Variants in EBNA1BP2 observed in about 807,000 individuals in gnomAD.
EBNA1BP2 encodes the protein EBNA1 binding protein 2, also known as probable rRNA-processing protein EBP2.
A neutral mutation model predicts 43.5 loss-of-function variants in EBNA1BP2; 36 were observed. That is an observed-to-expected ratio of 0.83 (90% confidence interval 0.63 to 1.09). The LOEUF is 1.09. EBNA1BP2 is among the 50% of genes least tolerant of loss of function. EBNA1BP2 has a pLI of 0.00. For synonymous variants in EBNA1BP2, 127 were observed against 141.3 expected, an observed-to-expected ratio of 0.90 and a Z score of 0.72; for missense variants, 332 against 379.1, an observed-to-expected ratio of 0.88 and a Z score of 1.03.
Position 43,171,575 on chromosome 1 carries a change from G to T in EBNA1BP2, c.227C>A (p.Pro76Gln), listed in dbSNP as rs11559316. 6.2e-7 allele frequency: 1 copy of T among 1,614,088 alleles called. No homozygotes were observed. The highest frequency in any genetic ancestry group is 8.5e-7 in the Non-Finnish European group (1 of 1,180,022). The stretch of plus-strand genomic sequence containing the variant: ...CTCAGATCCACCGATCTCCGGTACC[G>T]GACCCAGTGTCACATCGAGCCTTTC... ...WVERLDVTLG[P>Q]VPEIGGSEAP... is the part of the protein sequence containing the mutation. The change falls in exon 3 of 9, where the codon CCG becomes CAG. Residue 76 changes from proline (P) to glutamine (Q), a missense_variant. By Grantham distance (76) the Pro-to-Gln change is moderately conservative. This residue lies in a region of EBNA1BP2 where 182 missense variants were observed against 173.7 expected (regional missense o/e 1.05). Transcript: ENST00000236051.
In EBNA1BP2 at chr1:43,164,821, C is replaced by G. The variant is rs1356969672; in HGVS notation, c.708-16G>C. On this transcript the variant is annotated splice_polypyrimidine_tract_variant and intron_variant, in intron 7 of 8. Coordinates refer to ENST00000236051, the MANE Select transcript of EBNA1BP2 (RefSeq NM_006824.3). ...AGCACTGGGCCTGGAAAAGAATGGT[C>G]CTAGACATCACTACAGCACTGTAAA... The G allele has an allele frequency of 6.2e-7, 1 of 1,613,654 alleles. No individual in the cohort carries two copies. Among genetic ancestry groups the G allele is most frequent in the South Asian group, 1.1e-5 (1 of 91,002 alleles).
chr1:43,164,618 C>T (rs1644906173), intron 8 of EBNA1BP2, 25 bp downstream of exon 8: 1 of 1,613,816 alleles, frequency 6.2e-7, no homozygotes, highest in Admixed American at 1.7e-5. Flanking sequence ...GCCTGCTCCT[C>T]ACCCGGGCAC....
At chr1:43,172,494 G>A, upstream of EBNA1BP2, 2 of 1,511,258 alleles carry the variant, frequency 1.3e-6, no homozygotes, top group Non-Finnish European at 1.8e-6. Flanking sequence ...GGAGCTGGTA[G>A]CAGTGAGGGT....
chr1:43,172,396 C>G (rs1003136685), upstream of EBNA1BP2: 3 of 1,551,308 alleles, frequency 1.9e-6, no homozygotes, highest in African/African-American at 4.1e-5. Flanking sequence ...GCTTAGGATC[C>G]CTACAGGTAG....
rs781631283 is a variant in EBNA1BP2 at position 43,172,286 on chromosome 1, T to G, written c.-168A>C. 4.5e-6 allele frequency: 7 copies of G among 1,552,246 alleles called. No homozygotes were observed. Among genetic ancestry groups the G allele is most frequent in the Admixed American group, 2.0e-5 (1 of 51,018 alleles). ...TCCAGCGCCAGCAACTCACAGCTAC[T>G]GCTCAACTTTTGATTGGGACTTCCG... On this transcript the variant is annotated 5_prime_UTR_variant, in exon 1 of 9. Coordinates refer to ENST00000236051, the MANE Select transcript of EBNA1BP2 (RefSeq NM_006824.3).
At chr1:43,164,593 G>A (rs767130724) in intron 8 of EBNA1BP2, 50 bp downstream of exon 8, 1 of 1,613,818 alleles carries the variant, frequency 6.2e-7, no homozygotes, top group Non-Finnish European at 8.5e-7. Context: ...GGTTGGGAGT[G>A]GGAGGGGAGG....
At chr1:43,169,082 CT>C in intron 4 of EBNA1BP2, 54 bp from the exon 5 acceptor site, 1 of 1,571,826 alleles carries the variant, frequency 6.4e-7, no homozygotes, top group South Asian at 1.1e-5. Context: ...ATGACCACTA[CT>C]TAGGATTCGC....
chr1:43,167,058 T>C, intron 6 of EBNA1BP2, 102 bp downstream of exon 6: 16 of 1,494,244 alleles, frequency 1.1e-5, no homozygotes, highest in Non-Finnish European at 1.5e-5. Context: ...AAAACTTTGA[T>C]CCGACAGGTC....
intron 4 of EBNA1BP2, among the ~76,000 whole-genome samples, chr1:43,169,591 G>A (rs1308317843): frequency 6.6e-6 from 1 of 152,132 alleles, no homozygotes; most frequent in East Asian, 1.9e-4. Context: ...TATCCATAGA[G>A]GATTAGTTCT....
chr1:43,165,530 T>C (rs1644912609), intron 7 of EBNA1BP2, among the ~76,000 whole-genome samples: 1 of 152,220 alleles, frequency 6.6e-6, no homozygotes, highest in African/African-American at 2.4e-5. Flanking sequence ...ATCTCGACTT[T>C]TGCAATAGTA....
intron 8 of EBNA1BP2, 29 bp from the exon 9 acceptor site, chr1:43,164,522 C>A (rs1644905466): frequency 6.2e-7 from 1 of 1,614,012 alleles, no homozygotes. Context: ...CACATCTGGT[C>A]ACATAGCAGC....
chr1:43,167,326 A>G (rs1691302), intron 5 of EBNA1BP2, 91 bp from the exon 6 acceptor site: 274,908 of 1,211,822 alleles, frequency 0.23, 34,584 homozygotes, highest in Middle Eastern at 0.28. Context: ...GATTAATACC[A>G]CTACCCTCTG....
At chr1:43,167,275 C>T in intron 5 of EBNA1BP2, 40 bp from the exon 6 acceptor site, 2 of 1,575,274 alleles carry the variant, frequency 1.3e-6, no homozygotes, top group Admixed American at 1.7e-5. Context: ...CCATTCCATA[C>T]CATTACTCCA....
Position 43,172,147 on chromosome 1 carries a change from G to A in EBNA1BP2, c.-29C>T, listed in dbSNP as rs1429679823. The A allele has an allele frequency of 1.2e-6, 2 of 1,613,912 alleles. No homozygotes were observed. Among genetic ancestry groups the A allele is most frequent in the South Asian group, 1.1e-5 (1 of 91,080 alleles). ...GCCGCACGCACGTCCCACACCTACAGGAAGAAACGGGGTATCCCGAGACCC... is the reference window on the plus strand; with the variant it reads ...GCCGCACGCACGTCCCACACCTACAAGAAGAAACGGGGTATCCCGAGACCC... On this transcript the variant is annotated 5_prime_UTR_variant, in exon 1 of 9. Transcript: ENST00000236051.
chr1:43,171,126 C>T (rs373229611), intron 3 of EBNA1BP2: 68 of 489,168 alleles, frequency 1.4e-4, no homozygotes, highest in African/African-American at 1.3e-3. Flanking sequence ...CTAAAGGTAC[C>T]CATTAACACA....
Position 43,172,121 on chromosome 1 carries a change from C to A in EBNA1BP2, c.-3G>T. On this transcript the variant is annotated 5_prime_UTR_variant, in exon 1 of 9. Transcript: ENST00000236051. ...TCCGAGAGCGGGGGAGTGTCCATCT[C>A]GCCGCACGCACGTCCCACACCTACA... 1 of 1,614,128 alleles carries A rather than the reference C, an allele frequency of 6.2e-7. No individual in the cohort carries two copies. The highest frequency in any genetic ancestry group is 8.5e-7 in the Non-Finnish European group (1 of 1,180,028).
chr1:43,166,866 G>A lies in EBNA1BP2; in HGVS notation c.667C>T (p.Arg223Cys), dbSNP rs75143777. The part of the protein sequence containing the change: ...LEGDQKPLAQ[R>C]KKAGAKGQQM... ...TGGCCTTTGGCTCCTGCCTTCTTGC[G>A]CTGTGCCAGAGGTTTCTGATCTCCC... The change falls in exon 7 of 9, where the codon CGC (arginine) becomes TGC (cysteine). Residue 223 changes from arginine (R) to cysteine (C), a missense_variant. By Grantham distance (180) the Arg-to-Cys change is radical. This residue lies in a region of EBNA1BP2 where 91 missense variants were observed against 152.1 expected (regional missense o/e 0.60). Transcript: ENST00000236051. 1,494 of 1,612,788 alleles carry A rather than the reference G, an allele frequency of 9.3e-4. 9 individuals carry two copies. The African/African-American group carries it at 0.018, about 20-fold the overall frequency.
intron 4 of EBNA1BP2, among the ~76,000 whole-genome samples, chr1:43,170,268 C>T (rs543804528): frequency 6.6e-6 from 1 of 152,308 alleles, no homozygotes; most frequent in African/African-American, 2.4e-5. Flanking sequence ...TGTTGGATTA[C>T]ATGCTGGCAA....
chr1:43,171,297 C>T lies in EBNA1BP2; in HGVS notation c.323+182G>A. The T allele has an allele frequency of 5.3e-6, 4 of 756,514 alleles. No individual in the cohort carries two copies. The South Asian group carries it at 9.0e-5, about 17-fold the overall frequency. 46.9% of individuals were successfully genotyped at this position (756,514 alleles called of 1,614,324 possible). A position where few individuals can be genotyped will look rare whatever the true frequency, so the allele number is the denominator to read the frequency against. Reference sequence around the variant, plus strand: ...TTAGCCCATAAAGTGGATTTTGGATCGTGACCGTGGACCAAAGAGCTCTTC... The same window carrying T: ...TTAGCCCATAAAGTGGATTTTGGATTGTGACCGTGGACCAAAGAGCTCTTC... On this transcript the variant is annotated intron_variant, in intron 3 of 8. Transcript: ENST00000236051.
Sources: gnomAD v4.1 joint callset for allele counts (sites outside exome capture counted in the v4.1 genomes callset) on GRCh38, gnomAD v4.1.1 for gene constraint, gnomAD v4.1.1 regional missense constraint, MANE v1.5 for transcripts, NCBI Gene and HGNC (gene_info 2026-07-23, HGNC 2026-07-21) for gene names.